Variants in BTAF1 observed in about 807,000 individuals in gnomAD.
BTAF1 encodes the protein TATA-binding protein-associated factor 172.
BTAF1 carries 38 observed loss-of-function variants against 227.1 expected under a neutral mutation model. The observed-to-expected ratio is 0.17, with a 90% confidence interval of 0.13 to 0.22. BTAF1 has a LOEUF of 0.22. BTAF1 is among the 10% of genes least tolerant of loss of function. BTAF1 has a pLI of 1.00. For missense variants in BTAF1, 1,598 were observed against 2,204.0 expected (o/e 0.73, Z 5.51); for synonymous variants, 742 against 751.9 (o/e 0.99, Z 0.21).
chr10:91,986,650 T>G (rs1215157332), intron 19 of BTAF1, among the ~76,000 whole-genome samples: 2 of 152,170 alleles, frequency 1.3e-5, no homozygotes, highest in African/African-American at 4.8e-5. Context: ...CTTTTTTGCC[T>G]GTCTGGAATT....
chr10:92,024,732 G>GTTTTTTTTTTTTTTTTTTTTTTTT, intron 34 of BTAF1, 24 bp from the exon 35 acceptor site: 2 of 1,267,282 alleles, frequency 1.6e-6, no homozygotes, highest in Non-Finnish European at 2.2e-6. Context: ...CGCTTATGTA[G>GTTTTTTTTTTTTTTTTTTTTTTTT]TTTTTTTTTT....
intron 25 of BTAF1, among the ~76,000 whole-genome samples, chr10:92,001,812 A>T (rs1274276723): frequency 1.3e-5 from 2 of 151,988 alleles, no homozygotes; most frequent in Non-Finnish European, 2.9e-5. Flanking sequence ...ATAGATAAGG[A>T]CATTAAAATA....
At position 92,018,591 on chromosome 10, in the gene BTAF1, A is replaced by G. The variant is rs544491724; in HGVS notation, c.4711-192A>G. Among the ~76,000 whole-genome samples, 13 of 152,346 alleles carry G rather than the reference A, an allele frequency of 8.5e-5. No individual in the cohort carries two copies. In the South Asian group the frequency reaches 2.5e-3, roughly 29 times the overall value. On this transcript the variant is annotated intron_variant, in intron 33 of 37. Coordinates refer to ENST00000265990, the MANE Select transcript of BTAF1 (RefSeq NM_003972.3). The stretch of plus-strand genomic sequence containing the variant: ...ATTTATACGCGTTGTAAATGTCCGC[A>G]TAGAAACTGCACAAGAATCTCAAAT...
intron 14 of BTAF1, among the ~76,000 whole-genome samples, chr10:91,970,537 G>T (rs940126029): frequency 6.6e-6 from 1 of 152,140 alleles, no homozygotes; most frequent in African/African-American, 2.4e-5. Flanking sequence ...AAAATTGTCA[G>T]ATCTTGTAAG....
At chr10:91,978,314 T>C (rs750108996) in intron 14 of BTAF1, among the ~76,000 whole-genome samples, 26 of 152,178 alleles carry the variant, frequency 1.7e-4, no homozygotes, top group African/African-American at 2.4e-4. Flanking sequence ...GATGTGACTT[T>C]TGGGGACCTA....
At chr10:92,028,749 C>T (rs1281852930) in intron 37 of BTAF1, 41 bp from the exon 38 acceptor site, 8 of 1,509,790 alleles carry the variant, frequency 5.3e-6, no homozygotes, top group South Asian at 1.3e-5. Flanking sequence ...TGAAGTTAAC[C>T]TCTCATTTTA....
intron 1 of BTAF1, among the ~76,000 whole-genome samples, chr10:91,927,980 C>CTTTTTTTTTTTTTTT (rs60105160): frequency 8.2e-6 from 1 of 121,572 alleles, no homozygotes; most frequent in Non-Finnish European, 1.7e-5. Context: ...TGCCTTTTTT[C>CTTTTTTTTTTTTTTT]TTTTTTTTTT....
intron 19 of BTAF1, among the ~76,000 whole-genome samples, chr10:91,988,880 A>G (rs1269456209): frequency 1.3e-5 from 2 of 152,230 alleles, no homozygotes; most frequent in Non-Finnish European, 2.9e-5. Flanking sequence ...GATTTTCCTC[A>G]AAGTCATTTA....
At chr10:92,019,031 C>T in intron 34 of BTAF1, 96 bp downstream of exon 34, 1 of 1,231,130 alleles carries the variant, frequency 8.1e-7, no homozygotes, top group Non-Finnish European at 1.1e-6. Context: ...CTGTGTTTAC[C>T]ATTTATTTTT....
At chr10:91,970,845 T>G (rs1337602854) in intron 14 of BTAF1, among the ~76,000 whole-genome samples, 1 of 152,198 alleles carries the variant, frequency 6.6e-6, no homozygotes, top group Non-Finnish European at 1.5e-5. Flanking sequence ...CAAACTAAGC[T>G]GAAAGATCAG....
chr10:91,940,314 A>G (rs1282448831), intron 3 of BTAF1, among the ~76,000 whole-genome samples: 1 of 152,122 alleles, frequency 6.6e-6, no homozygotes, highest in Non-Finnish European at 1.5e-5. Context: ...TTGATTTACA[A>G]GGGTTATTAC....
intron 10 of BTAF1, 42 bp from the exon 11 acceptor site, chr10:91,959,936 C>T (rs770989822): frequency 1.7e-5 from 28 of 1,600,088 alleles, no homozygotes; most frequent in East Asian, 2.2e-5. Context: ...CTACAAAATA[C>T]GTTTTTTGCA....
Position 91,966,682 on chromosome 10 carries a change from T to G in BTAF1, c.1575T>G (p.Phe525Leu), listed in dbSNP as rs150324272. 1 of 1,614,020 alleles carries G rather than the reference T, an allele frequency of 6.2e-7. No homozygotes were observed. Among genetic ancestry groups the G allele is most frequent in the Admixed American group, 1.7e-5 (1 of 60,022 alleles). Residue 525 changes from phenylalanine to leucine, a missense_variant, in exon 14 of 38, where the codon TTT becomes TTG. Phe to Leu is a conservative substitution (Grantham distance 22). This residue lies in a region of BTAF1 where 318 missense variants were observed against 435.0 expected (regional missense o/e 0.73). Transcript: ENST00000265990. Reference protein sequence around the residue: ...LTVLVPRVWPFLHHTISSVRR... With the variant: ...LTVLVPRVWPLLHHTISSVRR... ...TTTTAGTTCCACGTGTCTGGCCTTT[T>G]TTGCATCACACTATATCATCAGTTC...
chr10:92,029,054 A>T lies in BTAF1; in HGVS notation c.*121A>T, dbSNP rs1851724245. The T allele has an allele frequency of 1.1e-6, 1 of 873,822 alleles. No individual in the cohort carries two copies. The highest frequency in any genetic ancestry group is 1.7e-6 in the Non-Finnish European group (1 of 598,770). The allele number at this position is 873,822 out of a possible 1,614,324, so 54.1% of individuals were successfully genotyped here. On this transcript the variant is annotated 3_prime_UTR_variant, in exon 38 of 38. Transcript: ENST00000265990. ...GTGTAAATAGATCTGGAGAATATTC[A>T]GCATAATGCTGGCTCTTGTTTCACT...
chr10:91,977,864 T>A (rs1847799256), intron 14 of BTAF1, among the ~76,000 whole-genome samples: 1 of 152,176 alleles, frequency 6.6e-6, no homozygotes, highest in Admixed American at 6.5e-5. Context: ...ACTTTATTTT[T>A]CAGAGCAGTT....
chr10:92,016,331 A>C lies in BTAF1; in HGVS notation c.4585-9A>C. 4 of 1,587,810 alleles carry C rather than the reference A, an allele frequency of 2.5e-6. No individual in the cohort carries two copies. The African/African-American group carries it at 5.4e-5, about 22-fold the overall frequency. On this transcript the variant is annotated splice_polypyrimidine_tract_variant and intron_variant, in intron 32 of 37. Transcript: ENST00000265990. ...ACTTAAAGCTTCTCCCACGGGGGCC[A>C]TTTTACAGGTTCAGCTCTATGAAGA...
chr10:91,978,675 G>A (rs1847859268), intron 14 of BTAF1, among the ~76,000 whole-genome samples: 1 of 152,086 alleles, frequency 6.6e-6, no homozygotes, highest in Admixed American at 6.6e-5. Flanking sequence ...GAGGGCAGGG[G>A]CTGATAGGTA....
chr10:91,938,648 C>T (rs1844789228), intron 2 of BTAF1, among the ~76,000 whole-genome samples: 1 of 152,210 alleles, frequency 6.6e-6, no homozygotes, highest in Non-Finnish European at 1.5e-5. Context: ...CAGTACCACA[C>T]TGTCTTGATT....
At chr10:92,017,691 T>G (rs1259116162) in intron 33 of BTAF1, among the ~76,000 whole-genome samples, 1 of 152,036 alleles carries the variant, frequency 6.6e-6, no homozygotes. Context: ...TAAAAATTTT[T>G]TTAGTGATAA....
Sources: allele counts gnomAD v4.1 joint callset (sites outside exome capture counted in the v4.1 genomes callset), GRCh38; gene constraint gnomAD v4.1.1; regional missense constraint gnomAD v4.1.1; transcripts MANE v1.5; gene names NCBI Gene and HGNC (gene_info 2026-07-23, HGNC 2026-07-21).